TMEM232: variants seen among roughly 807,000 people sequenced by gnomAD.
TMEM232 encodes the protein transmembrane protein 232.
A neutral mutation model predicts 78.8 loss-of-function variants in TMEM232; 80 were observed. The ratio of observed to expected loss-of-function variants is 1.01; its 90% CI spans 0.85 to 1.22. TMEM232 has a LOEUF of 1.22. TMEM232 is among the 50% of genes most tolerant of loss of function. The pLI, the probability that TMEM232 is intolerant of heterozygous loss-of-function variation, is 0.00. For synonymous variants in TMEM232, 297 were observed against 254.3 expected (o/e 1.17, Z -1.60); for missense variants, 881 against 742.2 (o/e 1.19, Z -2.17).
At chr5:110,719,083 T>C (rs73228198) in intron 1 of TMEM232, among the ~76,000 whole-genome samples, 2,798 of 152,104 alleles carry the variant, frequency 0.018, 80 homozygotes, top group African/African-American at 0.064. Context: ...GGCTTTATGG[T>C]TTGCCATGAT....
chr5:110,604,293 A>AC (rs1781282052), intron 10 of TMEM232, among the ~76,000 whole-genome samples: 1 of 152,160 alleles, frequency 6.6e-6, no homozygotes, highest in Non-Finnish European at 1.5e-5. Context: ...CTCTTGGAAA[A>AC]ATCAAAATGT....
intron 12 of TMEM232, among the ~76,000 whole-genome samples, chr5:110,512,224 T>A (rs1232873429): frequency 6.6e-6 from 1 of 152,218 alleles, no homozygotes; most frequent in Non-Finnish European, 1.5e-5. Flanking sequence ...AAGTACTATA[T>A]CTGAGACATT....
Position 110,605,305 on chromosome 5 carries a change from T to C in TMEM232, c.1080A>G (p.Ile360Met), listed in dbSNP as rs1781409826. The stretch of plus-strand genomic sequence containing the variant: ...AGATTTCTGCAAGAATTACTGTATA[T>C]ATGTAGACTACATTCCAGGCCCAGG... ...DFSWAWNVVY[I>M]YTVILAEICL... The change falls in exon 10 of 14, where the codon ATA (isoleucine) becomes ATG (methionine). Residue 360 changes from isoleucine to methionine, a missense_variant. Coordinates refer to ENST00000455884, the MANE Select transcript of TMEM232 (RefSeq NM_001039763.4). 3.9e-6 allele frequency: 6 copies of C among 1,550,864 alleles called. No homozygotes were observed. Among genetic ancestry groups the C allele is most frequent in the Non-Finnish European group, 4.4e-6 (5 of 1,146,594 alleles).
chr5:110,471,321 G>A, intron 12 of TMEM232, among the ~76,000 whole-genome samples: 1 of 152,086 alleles, frequency 6.6e-6, no homozygotes, highest in African/African-American at 2.4e-5. Context: ...AGAGAAAGAT[G>A]CAGACAGAAA....
intron 11 of TMEM232, among the ~76,000 whole-genome samples, chr5:110,559,800 G>A (rs142148364): frequency 6.6e-6 from 1 of 152,278 alleles, no homozygotes; most frequent in East Asian, 1.9e-4. Context: ...AAATGAAGGT[G>A]TCAGTAAGGC....
chr5:110,504,324 TA>T (rs1341942082), intron 12 of TMEM232, among the ~76,000 whole-genome samples: 2 of 152,206 alleles, frequency 1.3e-5, no homozygotes, highest in African/African-American at 4.8e-5. Context: ...GGTTTTCTTG[TA>T]AATTTTAAAT....
At chr5:110,650,746 TC>T (rs1788188220) in intron 2 of TMEM232, among the ~76,000 whole-genome samples, 1 of 152,114 alleles carries the variant, frequency 6.6e-6, no homozygotes, top group Admixed American at 6.6e-5. Flanking sequence ...TAATGTAGTG[TC>T]CTGTATGGGA....
At chr5:110,480,633 G>A (rs1360230524) in intron 12 of TMEM232, among the ~76,000 whole-genome samples, 1 of 152,008 alleles carries the variant, frequency 6.6e-6, no homozygotes, top group East Asian at 1.9e-4. Context: ...TGGGAACTGT[G>A]TGTTTGAACT....
intron 12 of TMEM232, among the ~76,000 whole-genome samples, chr5:110,528,009 G>A (rs916209243): frequency 6.6e-6 from 1 of 151,820 alleles, no homozygotes; most frequent in Non-Finnish European, 1.5e-5. Context: ...TTAACATTCT[G>A]TGTATGTTAA....
At chr5:110,428,017 T>G (rs1757429281) in intron 12 of TMEM232, among the ~76,000 whole-genome samples, 1 of 151,908 alleles carries the variant, frequency 6.6e-6, no homozygotes, top group Admixed American at 6.6e-5. Flanking sequence ...TTTAGTTATT[T>G]TAAAATGTAC....
At chr5:110,720,969 C>CACT (rs1580789627) in intron 1 of TMEM232, 1 of 151,970 alleles carries the variant, frequency 6.6e-6, no homozygotes, top group Non-Finnish European at 1.5e-5. Flanking sequence ...GTGAGATGAA[C>CACT]ATACAAAATC....
chr5:110,605,496 C>T (rs1781435880), intron 9 of TMEM232, 138 bp from the exon 10 acceptor site: 1 of 869,816 alleles, frequency 1.1e-6, no homozygotes. Flanking sequence ...ATGGGTTTAC[C>T]ATGAGTAGAC....
chr5:110,659,823 A>G lies in TMEM232; in HGVS notation c.125+7405T>C, dbSNP rs142751304. ...ACATTTGAGAATGGGAAAATTAGTC[A>G]CATCAAAGACAAATCACAGATCAGA... On this transcript the variant is annotated intron_variant, in intron 2 of 13. Transcript: ENST00000455884. 1.4e-3 allele frequency among the ~76,000 whole-genome samples: 218 copies of G among 152,300 alleles called. 2 individuals are homozygous for G. The highest frequency in any genetic ancestry group is 4.7e-3 in the African/African-American group (197 of 41,582).
intron 10 of TMEM232, among the ~76,000 whole-genome samples, chr5:110,596,647 A>T (rs1780205384): frequency 6.6e-6 from 1 of 152,162 alleles, no homozygotes; most frequent in African/African-American, 2.4e-5. Context: ...CCAGCAGCAC[A>T]TCAAAAAGCT....
chr5:110,682,104 T>C (rs977410562), intron 1 of TMEM232, among the ~76,000 whole-genome samples: 4 of 152,312 alleles, frequency 2.6e-5, no homozygotes, highest in Middle Eastern at 6.8e-3. Flanking sequence ...ACTTGTTAAA[T>C]TGGATTATTT....
rs146117698 is a variant in TMEM232 at position 110,721,673 on chromosome 5, G to GTGTATATATATATATATATATATA, written c.-13+4953_-13+4954insTATATATATATATATATATATACA. On this transcript the variant is annotated intron_variant, in intron 1 of 13. Coordinates refer to ENST00000455884, the MANE Select transcript of TMEM232 (RefSeq NM_001039763.4). ...GCATATCATGTGTGTGTGTGTGTGT[G>GTGTATATATATATATATATATATA]TATATATATATCTGTGTGTGTTAGT... 3.9e-3 allele frequency among the ~76,000 whole-genome samples: 137 copies of GTGTATATATATATATATATATATA among 35,452 alleles called. 10 individuals carry two copies. Among genetic ancestry groups the GTGTATATATATATATATATATATA allele is most frequent in the African/African-American group, 7.5e-3 (97 of 12,896 alleles). 23.3% of individuals were successfully genotyped at this position (35,452 alleles called of 152,430 possible). A position where few individuals can be genotyped will look rare whatever the true frequency, so the allele number is the denominator to read the frequency against.
chr5:110,620,575 ATATCTCTC>A (rs1186941499), intron 7 of TMEM232, among the ~76,000 whole-genome samples: 4 of 65,130 alleles, frequency 6.1e-5, no homozygotes, highest in Non-Finnish European at 5.8e-5. Flanking sequence ...TATGTCTCTC[ATATCTCTC>A]TCTCTCTCTC....
chr5:110,504,360 G>A (rs947767269), intron 12 of TMEM232, among the ~76,000 whole-genome samples: 3 of 152,174 alleles, frequency 2.0e-5, no homozygotes, highest in Admixed American at 6.6e-5. Context: ...GAGAGATGCT[G>A]ATACGGGAAT....
chr5:110,676,319 A>AT (rs948276527), intron 1 of TMEM232, among the ~76,000 whole-genome samples: 1 of 149,960 alleles, frequency 6.7e-6, no homozygotes, highest in African/African-American at 2.5e-5. Context: ...AGGTAGTTCT[A>AT]TTTTCAATTT....
Sources: allele counts gnomAD v4.1 joint callset (sites outside exome capture counted in the v4.1 genomes callset), GRCh38; gene constraint gnomAD v4.1.1; transcripts MANE v1.5; gene names NCBI Gene and HGNC (gene_info 2026-07-23, HGNC 2026-07-21).